Variants in ADAMTS12 observed in about 807,000 individuals in gnomAD.
ADAMTS12 encodes the protein A disintegrin and metalloproteinase with thrombospondin motifs 12.
Under a neutral mutation model 167.8 loss-of-function variants are expected in ADAMTS12, and 118 were observed. The ratio of observed to expected loss-of-function variants is 0.70; its 90% CI spans 0.61 to 0.82. The LOEUF (loss-of-function observed/expected upper bound fraction) is 0.82. Among genes scored for constraint, ADAMTS12 ranks in the 40% least tolerant of loss-of-function variants. The pLI is 0.00. For synonymous variants in ADAMTS12, 704 were observed against 716.9 expected, an observed-to-expected ratio of 0.98 and a Z score of 0.29; for missense variants, 1,916 against 1,998.8, an observed-to-expected ratio of 0.96 and a Z score of 0.79.
At chr5:33,618,229 A>G (rs1324414845) in intron 14 of ADAMTS12, among the ~76,000 whole-genome samples, 1 of 152,204 alleles carries the variant, frequency 6.6e-6, no homozygotes, top group East Asian at 1.9e-4. Flanking sequence ...ATCCTCATAA[A>G]GACCTTCATC....
intron 2 of ADAMTS12, among the ~76,000 whole-genome samples, chr5:33,779,993 T>C (rs1469882194): frequency 2.0e-5 from 3 of 152,174 alleles, no homozygotes; most frequent in African/African-American, 7.2e-5. Context: ...ATGTTTTTAC[T>C]ACAAAAAATG....
At chr5:33,885,455 T>C in intron 1 of ADAMTS12, among the ~76,000 whole-genome samples, 1 of 152,072 alleles carries the variant, frequency 6.6e-6, no homozygotes, top group East Asian at 1.9e-4. Flanking sequence ...GGCAACAGAG[T>C]AAGACTCCGT....
At chr5:33,699,754 C>G (rs6451016) in intron 3 of ADAMTS12, among the ~76,000 whole-genome samples, 77,290 of 151,876 alleles carry the variant, frequency 0.51, 19,808 homozygotes, top group East Asian at 0.71. Flanking sequence ...AAGAAAAAGC[C>G]CATTTGAGGA....
At chr5:33,689,412 CA>C (rs56858878) in intron 3 of ADAMTS12, among the ~76,000 whole-genome samples, 17 of 148,454 alleles carry the variant, frequency 1.1e-4, no homozygotes, top group African/African-American at 1.7e-4. Context: ...AGGATCAACT[CA>C]AAAAAAAAAA....
intron 2 of ADAMTS12, among the ~76,000 whole-genome samples, chr5:33,861,996 A>C (rs1299357649): frequency 6.6e-6 from 1 of 152,214 alleles, no homozygotes; most frequent in Non-Finnish European, 1.5e-5. Context: ...CAAAGACACA[A>C]CATACCAGAA....
At chr5:33,764,146 C>T (rs935969505) in intron 2 of ADAMTS12, among the ~76,000 whole-genome samples, 44 of 151,488 alleles carry the variant, frequency 2.9e-4, no homozygotes, top group African/African-American at 1.0e-3. Flanking sequence ...CAAACACGCT[C>T]GTCTACACAT....
At chr5:33,819,316 T>C (rs747951933) in intron 2 of ADAMTS12, among the ~76,000 whole-genome samples, 25 of 152,284 alleles carry the variant, frequency 1.6e-4, no homozygotes, top group Non-Finnish European at 2.6e-4. Context: ...TTTCTCAGCA[T>C]CATTTATTTA....
chr5:33,764,240 C>A (rs1169621195), intron 2 of ADAMTS12, among the ~76,000 whole-genome samples: 7 of 152,162 alleles, frequency 4.6e-5, no homozygotes, highest in African/African-American at 1.4e-4. Context: ...AATCTCTTCC[C>A]TTTATGGCAT....
intron 2 of ADAMTS12, among the ~76,000 whole-genome samples, chr5:33,825,718 CA>C (rs1490679677): frequency 6.6e-6 from 1 of 152,096 alleles, no homozygotes; most frequent in Non-Finnish European, 1.5e-5. Context: ...TTTTGCTTTG[CA>C]AATCGATAGA....
At chr5:33,785,510 T>C (rs550329904) in intron 2 of ADAMTS12, among the ~76,000 whole-genome samples, 1 of 152,180 alleles carries the variant, frequency 6.6e-6, no homozygotes, top group East Asian at 1.9e-4. Flanking sequence ...CAAGACAAAC[T>C]ACGAAATGTG....
chr5:33,684,028 T>A lies in ADAMTS12; in HGVS notation c.662A>T (p.Glu221Val). The A allele has an allele frequency of 6.2e-7, 1 of 1,604,038 alleles. No individual in the cohort carries two copies. Among genetic ancestry groups the A allele is most frequent in the East Asian group, 2.2e-5 (1 of 44,558 alleles). ...KDSVNISQKQELWREKWERHN... is the reference protein window; with the variant it reads ...KDSVNISQKQVLWREKWERHN... The stretch of plus-strand genomic sequence containing the variant: ...CCTCTCCCACTTCTCCCGCCATAGC[T>A]CTTGCTTCTGGGAGATGTTAACACT... The change falls in exon 4 of 24, where the codon GAG (glutamate) becomes GTG (valine). Residue 221 changes from glutamate (E) to valine (V), a missense_variant. Physicochemically the swap from Glu to Val is moderately radical, Grantham distance 121 (BLOSUM62 -2). Transcript: ENST00000504830.
intron 2 of ADAMTS12, among the ~76,000 whole-genome samples, chr5:33,871,768 C>G (rs1395519157): frequency 1.3e-5 from 2 of 152,130 alleles, no homozygotes; most frequent in East Asian, 3.9e-4. Flanking sequence ...CACAAATTAC[C>G]AATATCAGAA....
chr5:33,738,002 G>T (rs912692759), intron 3 of ADAMTS12, among the ~76,000 whole-genome samples: 1 of 152,198 alleles, frequency 6.6e-6, no homozygotes, highest in Non-Finnish European at 1.5e-5. Context: ...GATCCAAACT[G>T]CCTGGTACCA....
rs566565220 is a variant in ADAMTS12, at chr5:33,801,459, G to A, written c.490-49911C>T. ...ATGGCATGACATGACAGGATGTGCT[G>A]TGATATGACATGATATAATGTGATG... On this transcript the variant is annotated intron_variant, in intron 2 of 23. Coordinates refer to ENST00000504830, the MANE Select transcript of ADAMTS12 (RefSeq NM_030955.4). Among the ~76,000 whole-genome samples the A allele has an allele frequency of 5.9e-5, 9 of 152,312 alleles. No homozygotes were observed. The South Asian group carries it at 1.5e-3, about 25-fold the overall frequency.
At chr5:33,641,596 G>C (rs1313235102) in intron 11 of ADAMTS12, among the ~76,000 whole-genome samples, 1 of 152,118 alleles carries the variant, frequency 6.6e-6, no homozygotes, top group African/African-American at 2.4e-5. Flanking sequence ...AAGTTTTAGT[G>C]AGAATCCAGT....
At chr5:33,594,204 A>C (rs961251059) in intron 17 of ADAMTS12, among the ~76,000 whole-genome samples, 1 of 152,174 alleles carries the variant, frequency 6.6e-6, no homozygotes, top group Admixed American at 6.5e-5. Context: ...TGATGGCTTT[A>C]TTAGGGCAAA....
chr5:33,543,112 G>A (rs389824), intron 22 of ADAMTS12, among the ~76,000 whole-genome samples: 62,330 of 151,834 alleles, frequency 0.41, 13,792 homozygotes, highest in East Asian at 0.76. Context: ...TTGATAGACC[G>A]CTAGCAAGAC....
chr5:33,564,496 T>C (rs1005185702), intron 19 of ADAMTS12, among the ~76,000 whole-genome samples: 7 of 151,928 alleles, frequency 4.6e-5, no homozygotes, highest in African/African-American at 1.7e-4. Context: ...TGAGCAGGAG[T>C]TTGGAATGAT....
chr5:33,575,503 C>A (rs975199997), intron 19 of ADAMTS12, among the ~76,000 whole-genome samples: 2 of 152,182 alleles, frequency 1.3e-5, no homozygotes, highest in Non-Finnish European at 2.9e-5. Context: ...TAGCTTAGTT[C>A]AGGGTACTTT....
Sources: allele counts gnomAD v4.1 joint callset (sites outside exome capture counted in the v4.1 genomes callset), GRCh38; gene constraint gnomAD v4.1.1; transcripts MANE v1.5; gene names NCBI Gene and HGNC (gene_info 2026-07-23, HGNC 2026-07-21).